RBFOX1: variants seen among roughly 807,000 people sequenced by gnomAD.
The protein encoded by RBFOX1 is RNA binding protein fox-1 homolog 1.
RBFOX1 carries 8 observed loss-of-function variants against 57.7 expected under a neutral mutation model. That is an observed-to-expected ratio of 0.14 (90% CI 0.08 to 0.25). RBFOX1 has a LOEUF of 0.25. Among genes scored for constraint, RBFOX1 ranks in the 10% least tolerant of loss-of-function variants. The probability of loss-of-function intolerance (pLI) is 1.00; values close to 1 mark genes in which losing one functional copy is unlikely to be tolerated. For synonymous variants in RBFOX1, 326 were observed against 222.4 expected (o/e 1.47, Z -4.15); for missense variants, 611 against 548.5 (o/e 1.11, Z -1.14).
intron 3 of RBFOX1, among the ~76,000 whole-genome samples, chr16:6,913,339 C>G (rs1356034073): frequency 6.6e-6 from 1 of 152,072 alleles, no homozygotes; most frequent in Non-Finnish European, 1.5e-5. Flanking sequence ...GGAGAATGGT[C>G]CCATTTTAAC....
intron 2 of RBFOX1, among the ~76,000 whole-genome samples, chr16:6,629,975 A>ATTTTT (rs1567955460): frequency 1.7e-5 from 2 of 120,368 alleles, no homozygotes; most frequent in African/African-American, 5.9e-5. Flanking sequence ...TTTTTTTTTA[A>ATTTTT]AAAAAAAAAA....
intron 3 of RBFOX1, among the ~76,000 whole-genome samples, chr16:6,950,107 G>A (rs2080396309): frequency 7.2e-6 from 1 of 139,746 alleles, no homozygotes; most frequent in African/African-American, 2.7e-5. Flanking sequence ...CCACTACGCA[G>A]AGGTAATTTT....
intron 4 of RBFOX1, among the ~76,000 whole-genome samples, chr16:7,120,830 T>TACACACACACACAC (rs397836603): frequency 4.0e-4 from 35 of 86,596 alleles, no homozygotes; most frequent in African/African-American, 1.2e-3. Context: ...TATGTATATA[T>TACACACACACACAC]ACACACACAC....
chr16:6,831,174 T>A (rs1270262888), intron 3 of RBFOX1, among the ~76,000 whole-genome samples: 2 of 152,204 alleles, frequency 1.3e-5, no homozygotes, highest in Non-Finnish European at 2.9e-5. Flanking sequence ...TTAGCATATT[T>A]GGAGGTGGGG....
chr16:5,707,064 C>T (rs1406024375), intron 3 of RBFOX1, among the ~76,000 whole-genome samples: 1 of 152,112 alleles, frequency 6.6e-6, no homozygotes, highest in Non-Finnish European at 1.5e-5. Context: ...CAGGGGTGTC[C>T]AGACACAAAC....
At chr16:6,252,086 C>G (rs78055201) in intron 1 of RBFOX1, among the ~76,000 whole-genome samples, 1 of 152,076 alleles carries the variant, frequency 6.6e-6, no homozygotes, top group African/African-American at 2.4e-5. Context: ...TCTAAGCATC[C>G]TCATGTTCTT....
At chr16:7,382,849 T>C (rs2097802248) in intron 4 of RBFOX1, among the ~76,000 whole-genome samples, 2 of 152,228 alleles carry the variant, frequency 1.3e-5, no homozygotes, top group East Asian at 1.9e-4. Context: ...TCCCTACTTA[T>C]AATCGTGTAA....
chr16:5,558,128 CA>C (rs888140979), intron 2 of RBFOX1, among the ~76,000 whole-genome samples: 7 of 152,200 alleles, frequency 4.6e-5, no homozygotes, highest in Admixed American at 4.6e-4. Context: ...CTCATCCTCC[CA>C]GCCCAGGTGT....
intron 11 of RBFOX1, among the ~76,000 whole-genome samples, chr16:7,647,069 C>A (rs1480627842): frequency 1.3e-5 from 2 of 152,172 alleles, no homozygotes; most frequent in Non-Finnish European, 2.9e-5. Context: ...GATACTTGAG[C>A]ACCACCACAG....
At chr16:6,063,505 ACCCCC>A (rs2095716492) in intron 1 of RBFOX1, among the ~76,000 whole-genome samples, 1 of 30,276 alleles carries the variant, frequency 3.3e-5, no homozygotes, top group East Asian at 7.1e-4. Flanking sequence ...ACACACACAC[ACCCCC>A]TTATATTTTT....
chr16:7,086,407 C>G (rs1277249290), intron 4 of RBFOX1, among the ~76,000 whole-genome samples: 1 of 152,070 alleles, frequency 6.6e-6, no homozygotes. Context: ...TCTTCTTTAT[C>G]CATATATCAA....
At chr16:5,474,670 A>G (rs1445154393) in intron 2 of RBFOX1, among the ~76,000 whole-genome samples, 1 of 151,030 alleles carries the variant, frequency 6.6e-6, no homozygotes, top group Non-Finnish European at 1.5e-5. Context: ...AAAAAAAAAT[A>G]CTCCCGGACA....
chr16:6,685,522 C>T (rs1275044265), intron 3 of RBFOX1, among the ~76,000 whole-genome samples: 4 of 151,048 alleles, frequency 2.6e-5, no homozygotes, highest in Admixed American at 6.6e-5. Flanking sequence ...TCCTCACCTC[C>T]GGTGATCCGC....
Position 7,016,993 on chromosome 16 carries a change from G to C in RBFOX1, c.-15-35064G>C, listed in dbSNP as rs115218540. On this transcript the variant is annotated intron_variant, in intron 3 of 15. Transcript: ENST00000550418. The stretch of plus-strand genomic sequence containing the variant: ...GGTTTCACCATTATTTTCATTTCCT[G>C]GTTGAGCGACCCTCTTTCTTTCATG... 6.8e-3 allele frequency among the ~76,000 whole-genome samples: 1,039 copies of C among 152,190 alleles called. 9 individuals carry two copies. Among genetic ancestry groups the C allele is most frequent in the African/African-American group, 0.023 (974 of 41,540 alleles).
intron 2 of RBFOX1, among the ~76,000 whole-genome samples, chr16:6,478,414 TATATATATATATATA>T (rs1243022503): frequency 0.01 from 322 of 31,364 alleles, 12 homozygotes; most frequent in East Asian, 0.059. Context: ...TATATATATA[TATATATATATATATA>T]TTTTTTTTTT....
At chr16:6,136,287 C>A (rs145913335) in intron 1 of RBFOX1, among the ~76,000 whole-genome samples, 3 of 152,212 alleles carry the variant, frequency 2.0e-5, no homozygotes, top group East Asian at 3.9e-4. Flanking sequence ...TGCTGGCTCC[C>A]CTTGGTTTAG....
chr16:5,776,271 C>A (rs1330854744), intron 3 of RBFOX1, among the ~76,000 whole-genome samples: 1 of 152,228 alleles, frequency 6.6e-6, no homozygotes, highest in East Asian at 1.9e-4. Context: ...GGCTGCAGTA[C>A]CCCATTCTGG....
chr16:6,212,933 T>C (rs1436149960), intron 1 of RBFOX1, among the ~76,000 whole-genome samples: 3 of 152,150 alleles, frequency 2.0e-5, no homozygotes, highest in Non-Finnish European at 4.4e-5. Flanking sequence ...AGAATAGTCG[T>C]TTTACATAAA....
chr16:5,907,448 A>T (rs1161254469), intron 4 of RBFOX1, among the ~76,000 whole-genome samples: 1 of 152,026 alleles, frequency 6.6e-6, no homozygotes, highest in African/African-American at 2.4e-5. Context: ...GATTATATTA[A>T]TATCATCATC....
Sources: allele counts gnomAD v4.1 joint callset (sites outside exome capture counted in the v4.1 genomes callset), GRCh38; gene constraint gnomAD v4.1.1; transcripts MANE v1.5; gene names NCBI Gene and HGNC (gene_info 2026-07-23, HGNC 2026-07-21).